POLN: variants seen among roughly 807,000 people sequenced by gnomAD.
The protein encoded by POLN is DNA polymerase N.
POLN carries 108 observed loss-of-function variants against 113.5 expected under a neutral mutation model. The ratio of observed to expected loss-of-function variants is 0.95; its 90% CI spans 0.81 to 1.12. The LOEUF (loss-of-function observed/expected upper bound fraction) is 1.12. Ranked by LOEUF, POLN falls within the 50% of genes most tolerant of loss-of-function variation. The probability of loss-of-function intolerance (pLI) is 0.00; values close to 1 mark genes in which losing one functional copy is unlikely to be tolerated. For synonymous variants in POLN, 386 were observed against 391.5 expected (o/e 0.99, Z 0.17); for missense variants, 1,097 against 1,077.1 (o/e 1.02, Z -0.26).
chr4:2,208,860 C>T (rs778296196), intron 4 of POLN, among the ~76,000 whole-genome samples: 28 of 152,120 alleles, frequency 1.8e-4, no homozygotes, highest in Non-Finnish European at 3.4e-4. Context: ...TGGTGGCAGG[C>T]GCTTGTAATT....
At chr4:2,156,423 A>T (rs1732432604) in intron 16 of POLN, 1 of 471,802 alleles carries the variant, frequency 2.1e-6, no homozygotes, top group Admixed American at 2.3e-5. Flanking sequence ...ACAACCACCA[A>T]AAAATGGAGC....
In POLN at chr4:2,072,252, C is replaced by T. The variant is rs1304225378; in HGVS notation, c.2565G>A (p.Leu855=). The T allele has an allele frequency of 1.5e-5, 24 of 1,597,852 alleles. No homozygotes were observed. The highest frequency in any genetic ancestry group is 2.0e-5 in the Non-Finnish European group (24 of 1,171,776). The change falls in exon 26 of 26, where the codon CTG becomes CTA. Residue 855 remains leucine, a synonymous_variant. Transcript: ENST00000511885. ...GGCCCCAGGCCTCCTGCAGTGGCAC[C>T]AGGTGTCCCCATGAGCGGCCGGCAC... ...SLSAGRSWGH[L]VPLQEAWGPP...
At chr4:2,148,782 A>G (rs1732216611) in intron 16 of POLN, among the ~76,000 whole-genome samples, 1 of 152,224 alleles carries the variant, frequency 6.6e-6, no homozygotes, top group Non-Finnish European at 1.5e-5. Context: ...AAGAAACATG[A>G]TACTATATCA....
chr4:2,238,794 G>C lies in POLN; in HGVS notation c.-13+2726C>G, dbSNP rs142928845. 1.4e-4 allele frequency: 229 copies of C among 1,613,418 alleles called. No homozygotes were observed. The African/African-American group carries it at 2.6e-3, about 19-fold the overall frequency. On this transcript the variant is annotated intron_variant, in intron 2 of 25. Transcript: ENST00000511885. ...AATTCAATTTCATATGATAACTGTA[G>C]AAGTTCAAATGATGCCTTTTGTTTT... is the stretch of plus-strand genomic sequence containing the variant.
At chr4:2,176,425 T>TC in intron 8 of POLN, 91 bp from the exon 9 acceptor site, 1 of 1,017,714 alleles carries the variant, frequency 9.8e-7, no homozygotes, top group Non-Finnish European at 1.4e-6. Context: ...GAAAAATGTT[T>TC]CCTAGTAAAA....
At chr4:2,096,205 C>T (rs940591599) in intron 19 of POLN, among the ~76,000 whole-genome samples, 2 of 152,236 alleles carry the variant, frequency 1.3e-5, no homozygotes, top group Non-Finnish European at 2.9e-5. Context: ...CCCAAAACTG[C>T]TTTCACCAAA....
At chr4:2,157,066 C>T (rs532606444) in intron 15 of POLN, among the ~76,000 whole-genome samples, 1 of 152,194 alleles carries the variant, frequency 6.6e-6, no homozygotes, top group Non-Finnish European at 1.5e-5. Flanking sequence ...TTCCCCCTAA[C>T]CCATGTAGGA....
At chr4:2,079,581 A>G in intron 23 of POLN, 1 of 985,266 alleles carries the variant, frequency 1.0e-6, no homozygotes, top group South Asian at 4.7e-5. Flanking sequence ...GAGGACTGAG[A>G]GTGAATCTTA....
Position 2,201,277 on chromosome 4 carries a change from C to CAAAAAAAA in POLN, c.715-2568_715-2561dup, listed in dbSNP as rs35399602. 6.1e-3 allele frequency among the ~76,000 whole-genome samples: 97 copies of CAAAAAAAA among 15,834 alleles called. 39 individuals carry two copies. The highest frequency in any genetic ancestry group is 0.032 in the African/African-American group (66 of 2,076). 10.4% of individuals were successfully genotyped at this position (15,834 alleles called of 152,430 possible). A position where few individuals can be genotyped will look rare whatever the true frequency, so the allele number is the denominator to read the frequency against. On this transcript the variant is annotated intron_variant, in intron 5 of 25. Transcript: ENST00000511885. ...GTGAGACTCTGTCCCCCTACCACTC[C>CAAAAAAAA]AAAAAAAAAAAAAAAAAAAAAAAAA... is the stretch of plus-strand genomic sequence containing the variant.
chr4:2,238,866 G>C, intron 2 of POLN: 1 of 1,613,028 alleles, frequency 6.2e-7, no homozygotes, highest in South Asian at 1.1e-5. Flanking sequence ...TAATAATCTT[G>C]TTTAGCAATC....
At chr4:2,187,803 T>C (rs148730494) in intron 7 of POLN, among the ~76,000 whole-genome samples, 3 of 152,180 alleles carry the variant, frequency 2.0e-5, no homozygotes, top group Non-Finnish European at 2.9e-5. Flanking sequence ...GGATAACCTA[T>C]TCAAAGTGCT....
chr4:2,146,216 G>C (rs541261285), intron 16 of POLN, among the ~76,000 whole-genome samples: 1 of 152,176 alleles, frequency 6.6e-6, no homozygotes, highest in African/African-American at 2.4e-5. Context: ...TTTAAATGTT[G>C]TCAAGTAGGC....
At chr4:2,171,387 TAAA>T (rs57338564) in intron 11 of POLN, among the ~76,000 whole-genome samples, 35 of 88,308 alleles carry the variant, frequency 4.0e-4, no homozygotes, top group Admixed American at 4.8e-4. Flanking sequence ...ACCCCACCAC[TAAA>T]AAAAAAAAAA....
chr4:2,111,494 T>C (rs1450229836), intron 19 of POLN, among the ~76,000 whole-genome samples: 1 of 152,152 alleles, frequency 6.6e-6, no homozygotes, highest in Non-Finnish European at 1.5e-5. Context: ...GAAAACCCCA[T>C]CGTCTCAGCC....
chr4:2,211,301 G>T lies in POLN; in HGVS notation c.213+1746C>A, dbSNP rs993929377. ...ATAATAATAATAATAATAATAATAAGAGGATTGTGGATATCAAGTTGTCAA... is the reference window on the plus strand; with the variant it reads ...ATAATAATAATAATAATAATAATAATAGGATTGTGGATATCAAGTTGTCAA... On this transcript the variant is annotated intron_variant, in intron 4 of 25. Coordinates refer to ENST00000511885, the MANE Select transcript of POLN (RefSeq NM_181808.4). Among the ~76,000 whole-genome samples, 57 of 143,910 alleles carry T rather than the reference G, an allele frequency of 4.0e-4. 1 individual carries two copies. Among genetic ancestry groups the T allele is most frequent in the South Asian group, 1.3e-3 (6 of 4,570 alleles). 94.4% of individuals were successfully genotyped at this position (143,910 alleles called of 152,430 possible).
chr4:2,082,741 T>G (rs1169168457), intron 21 of POLN: 1 of 152,238 alleles, frequency 6.6e-6, no homozygotes, highest in Non-Finnish European at 1.5e-5. Context: ...ACGAGAGATC[T>G]TCTGCTCTGA....
intron 16 of POLN, among the ~76,000 whole-genome samples, chr4:2,145,146 ACT>A (rs1732104476): frequency 6.6e-6 from 1 of 152,150 alleles, no homozygotes; most frequent in Admixed American, 6.6e-5. Flanking sequence ...GGAATTAAAG[ACT>A]CAATGTAAAA....
At chr4:2,197,449 A>T (rs188654885) in intron 6 of POLN, among the ~76,000 whole-genome samples, 1 of 152,158 alleles carries the variant, frequency 6.6e-6, no homozygotes, top group Non-Finnish European at 1.5e-5. Context: ...GCCTAAGCTC[A>T]TGGAGGGCTG....
intron 6 of POLN, among the ~76,000 whole-genome samples, chr4:2,196,704 C>T (rs1733583888): frequency 6.6e-6 from 1 of 151,368 alleles, no homozygotes; most frequent in African/African-American, 2.4e-5. Flanking sequence ...TTGGGAATTT[C>T]TTTAATCCCA....
Sources: gnomAD v4.1 joint callset for allele counts (sites outside exome capture counted in the v4.1 genomes callset) on GRCh38, gnomAD v4.1.1 for gene constraint, MANE v1.5 for transcripts, NCBI Gene and HGNC (gene_info 2026-07-23, HGNC 2026-07-21) for gene names.